LRRC27: variants seen among roughly 807,000 people sequenced by gnomAD.
LRRC27 encodes leucine-rich repeat-containing protein 27.
A neutral mutation model predicts 55.0 loss-of-function variants in LRRC27; 57 were observed. The observed-to-expected ratio is 1.04, with a 90% CI of 0.84 to 1.29. LRRC27 has a LOEUF of 1.29. Ranked by LOEUF, LRRC27 falls within the 50% of genes most tolerant of loss-of-function variation. LRRC27 has a pLI of 0.00. For synonymous variants in LRRC27, 278 were observed against 251.9 expected (o/e 1.10, Z -0.98); for missense variants, 721 against 651.5 (o/e 1.11, Z -1.16).
intron 10 of LRRC27, among the ~76,000 whole-genome samples, chr10:132,369,330 C>T (rs1471113234): frequency 6.6e-6 from 1 of 152,190 alleles, no homozygotes; most frequent in African/African-American, 2.4e-5. Context: ...GACATAGCAG[C>T]TTTTTTCATA....
intron 10 of LRRC27, among the ~76,000 whole-genome samples, chr10:132,373,302 G>T (rs2069258971): frequency 6.6e-6 from 1 of 152,220 alleles, no homozygotes; most frequent in South Asian, 2.1e-4. Flanking sequence ...GTTCCGGCAG[G>T]TTCCAGCAGG....
At chr10:132,351,835 C>G in intron 7 of LRRC27, 82 bp downstream of exon 7, 2 of 1,463,090 alleles carry the variant, frequency 1.4e-6, no homozygotes, top group Non-Finnish European at 1.8e-6. Flanking sequence ...TATGGCAGGC[C>G]TCGTGGAAGT....
rs1239746809 is a variant in LRRC27 at position 132,332,213 on chromosome 10, A to T, written c.-92A>T. The T allele has an allele frequency of 6.5e-6, 1 of 154,264 alleles. No homozygotes were observed. The highest frequency in any genetic ancestry group is 1.4e-5 in the Non-Finnish European group (1 of 69,500). The allele number at this position is 154,264 out of a possible 1,614,324, so 9.6% of individuals were successfully genotyped here. Reference sequence around the variant, plus strand: ...CCTCCATTGTCGGGCTGCTGCTCTCAGCGGCGGGGCTCGCCAGCGCTTCAG... The same window carrying T: ...CCTCCATTGTCGGGCTGCTGCTCTCTGCGGCGGGGCTCGCCAGCGCTTCAG... On this transcript the variant is annotated 5_prime_UTR_variant, in exon 1 of 11. Transcript: ENST00000368614.
chr10:132,355,949 A>AC (rs2068290346), intron 8 of LRRC27, 63 bp downstream of exon 8: 1 of 1,168,018 alleles, frequency 8.6e-7, no homozygotes, highest in Admixed American at 2.0e-5. Context: ...GGGTGCTCAC[A>AC]GGCATCCCTG....
chr10:132,366,009 G>A (rs544250168), intron 10 of LRRC27, among the ~76,000 whole-genome samples: 1 of 152,370 alleles, frequency 6.6e-6, no homozygotes, highest in South Asian at 2.1e-4. Context: ...AATTACAGTT[G>A]GTCACATGAG....
At position 132,332,200 on chromosome 10, in the gene LRRC27, G is replaced by A. The variant is rs1298910424; in HGVS notation, c.-105G>A. The A allele has an allele frequency of 1.3e-5, 2 of 156,536 alleles. No individual in the cohort carries two copies. The highest frequency in any genetic ancestry group is 2.8e-5 in the Non-Finnish European group (2 of 71,114). 9.7% of individuals were successfully genotyped at this position (156,536 alleles called of 1,614,324 possible). A position where few individuals can be genotyped will look rare whatever the true frequency, so the allele number is the denominator to read the frequency against. On this transcript the variant is annotated 5_prime_UTR_variant, in exon 1 of 11. Coordinates refer to ENST00000368614, the MANE Select transcript of LRRC27 (RefSeq NM_030626.3). Reference sequence around the variant, plus strand: ...GTTGGCTGGGTGGCCTCCATTGTCGGGCTGCTGCTCTCAGCGGCGGGGCTC... The same window carrying A: ...GTTGGCTGGGTGGCCTCCATTGTCGAGCTGCTGCTCTCAGCGGCGGGGCTC...
intron 7 of LRRC27, among the ~76,000 whole-genome samples, chr10:132,355,577 G>C (rs945120672): frequency 3.9e-5 from 6 of 152,324 alleles, no homozygotes; most frequent in African/African-American, 7.2e-5. Flanking sequence ...CCGACACACA[G>C]AGCCTCGGGA....
At chr10:132,354,982 C>T (rs2091882724) in intron 7 of LRRC27, among the ~76,000 whole-genome samples, 1 of 152,250 alleles carries the variant, frequency 6.6e-6, no homozygotes, top group Admixed American at 6.5e-5. Flanking sequence ...GTGGGCGTTA[C>T]TCGGGACGTT....
chr10:132,334,421 A>G (rs1564817839), intron 2 of LRRC27, among the ~76,000 whole-genome samples: 1 of 152,106 alleles, frequency 6.6e-6, no homozygotes, highest in Non-Finnish European at 1.5e-5. Flanking sequence ...TTGTATTTTT[A>G]GTAGAGATGG....
Position 132,365,539 on chromosome 10 carries a change from G to T in LRRC27, c.1405G>T (p.Asp469Tyr). 1 of 1,613,290 alleles carries T rather than the reference G, an allele frequency of 6.2e-7. No individual in the cohort carries two copies. The highest frequency in any genetic ancestry group is 2.2e-5 in the East Asian group (1 of 44,890). Residue 469 changes from aspartate (D) to tyrosine (Y), a missense_variant, in exon 10 of 11, where the codon GAT becomes TAT. Physicochemically the swap from Asp to Tyr is radical, Grantham distance 160. Coordinates refer to ENST00000368614, the MANE Select transcript of LRRC27 (RefSeq NM_030626.3). ...PLEEMRKAAE[D>Y]LEIATELQDE... Reference sequence around the variant, plus strand: ...GGAGGAGATGAGGAAGGCTGCCGAGGATCTGGAAATTGTAAGGATTTCTTG... The same window carrying T: ...GGAGGAGATGAGGAAGGCTGCCGAGTATCTGGAAATTGTAAGGATTTCTTG...
chr10:132,360,976 T>C (rs2068586955), intron 8 of LRRC27, among the ~76,000 whole-genome samples: 1 of 152,174 alleles, frequency 6.6e-6, no homozygotes, highest in African/African-American at 2.4e-5. Context: ...CACGCCGCCG[T>C]TGGGGTGCTA....
chr10:132,343,567 C>T (rs996278642), intron 4 of LRRC27, among the ~76,000 whole-genome samples: 2 of 152,196 alleles, frequency 1.3e-5, no homozygotes, highest in Admixed American at 6.5e-5. Context: ...GATAAGGAAA[C>T]GAATTTCATT....
intron 8 of LRRC27, among the ~76,000 whole-genome samples, chr10:132,358,679 T>TGTGGGGAGGAGCCGAGGTGGTGGAGCAGC (rs2068441604): frequency 4.7e-5 from 1 of 21,382 alleles, no homozygotes; most frequent in Non-Finnish European, 9.8e-5. Context: ...GGTGGAGCAG[T>TGTGGGGAGGAGCCGAGGTGGTGGAGCAGC]GTGGGGAGGA....
chr10:132,374,706 A>T lies in LRRC27; in HGVS notation c.1417-360A>T, dbSNP rs1057299156. ...AAGACACTGCCCGGGGTGTGGCATC[A>T]GCCTTCCCTTTGCCCACAGGACGAT... is the stretch of plus-strand genomic sequence containing the variant. On this transcript the variant is annotated intron_variant, in intron 10 of 10. Transcript: ENST00000368614. This position sits in a 1 kb window ranked among gnomAD's most constrained non-coding sequence, Gnocchi z 4.4. 6.6e-6 allele frequency among the ~76,000 whole-genome samples: 1 copy of T among 152,266 alleles called. No individual in the cohort carries two copies. Among genetic ancestry groups the T allele is most frequent in the South Asian group, 2.1e-4 (1 of 4,828 alleles).
At chr10:132,369,225 T>C (rs1172323644) in intron 10 of LRRC27, among the ~76,000 whole-genome samples, 1 of 152,200 alleles carries the variant, frequency 6.6e-6, no homozygotes, top group Non-Finnish European at 1.5e-5. Flanking sequence ...TCTTACAAAA[T>C]TAATCACACT....
In LRRC27 at chr10:132,375,278, C is replaced by T; in HGVS notation, c.*36C>T. On this transcript the variant is annotated 3_prime_UTR_variant, in exon 11 of 11. Coordinates refer to ENST00000368614, the MANE Select transcript of LRRC27 (RefSeq NM_030626.3). ...CTGGACTGATGGAGACGTCTTCAGACAGGAGCCGCTCAGTCTTCTTTCCCG... is the reference window on the plus strand; with the variant it reads ...CTGGACTGATGGAGACGTCTTCAGATAGGAGCCGCTCAGTCTTCTTTCCCG... 6.3e-7 allele frequency: 1 copy of T among 1,580,782 alleles called. No homozygotes were observed.
Position 132,365,294 on chromosome 10 carries a change from G to C in LRRC27, c.1290-130G>C, listed in dbSNP as rs1398953431. On this transcript the variant is annotated intron_variant, in intron 9 of 10. Coordinates refer to ENST00000368614, the MANE Select transcript of LRRC27 (RefSeq NM_030626.3). ...CAGCGCCACAGTAACTGGCACAGCT[G>C]TGCGGGAGCCTCAGGACCGCTGTTT... is the stretch of plus-strand genomic sequence containing the variant. 5 of 1,258,810 alleles carry C rather than the reference G, an allele frequency of 4.0e-6. No homozygotes were observed. The Admixed American group carries it at 8.7e-5, about 22-fold the overall frequency. The allele number at this position is 1,258,810 out of a possible 1,614,324, so 78.0% of individuals were successfully genotyped here.
chr10:132,348,342 A>G lies in LRRC27; in HGVS notation c.912A>G (p.Pro304=). The G allele has an allele frequency of 6.2e-7, 1 of 1,609,400 alleles. No homozygotes were observed. Among genetic ancestry groups the G allele is most frequent in the Non-Finnish European group, 8.5e-7 (1 of 1,176,444 alleles). ...ACATTGAGAAAGAACTACCAAAGCC[A>G]AGACACGTTTTCAGGTAAAACTGAA... The part of the protein sequence containing the change: ...ALNIEKELPK[P]RHVFRRKTAS... Residue 304 remains proline, a synonymous_variant, in exon 6 of 11, where the codon CCA becomes CCG. Transcript: ENST00000368614. This position sits in a 1 kb window ranked among gnomAD's most constrained non-coding sequence, Gnocchi z 4.2.
chr10:132,375,381 T>C lies in LRRC27; in HGVS notation c.*139T>C. 1 of 713,940 alleles carries C rather than the reference T, an allele frequency of 1.4e-6. No homozygotes were observed. The highest frequency in any genetic ancestry group is 2.3e-6 in the Non-Finnish European group (1 of 441,260). 44.2% of individuals were successfully genotyped at this position (713,940 alleles called of 1,614,324 possible). A position where few individuals can be genotyped will look rare whatever the true frequency, so the allele number is the denominator to read the frequency against. On this transcript the variant is annotated 3_prime_UTR_variant, in exon 11 of 11. Transcript: ENST00000368614. ...AGGGCTGATTTCGCGCAGCCTGTTG[T>C]TTTCCTTAGACAGGTCCACGTCCCT...
Sources: gnomAD v4.1 joint callset for allele counts (sites outside exome capture counted in the v4.1 genomes callset) on GRCh38, gnomAD v4.1.1 for gene constraint, Gnocchi (gnomAD v3.1) non-coding constraint, MANE v1.5 for transcripts, NCBI Gene and HGNC (gene_info 2026-07-23, HGNC 2026-07-21) for gene names.